Variants in FAM174A observed in about 807,000 individuals in gnomAD.
The protein encoded by FAM174A is family with sequence similarity 174 member A, also known as membrane protein FAM174A.
A neutral mutation model predicts 14.3 loss-of-function variants in FAM174A; 14 were observed. The observed-to-expected ratio is 0.98, with a 90% confidence interval of 0.65 to 1.53. FAM174A has a LOEUF of 1.53. FAM174A is among the 40% of genes most tolerant of loss of function. The pLI is 0.00. For synonymous variants in FAM174A, 108 were observed against 111.4 expected, an observed-to-expected ratio of 0.97 and a Z score of 0.19; for missense variants, 241 against 249.6, an observed-to-expected ratio of 0.97 and a Z score of 0.23.
chr5:100,579,935 G>T (rs1222898408), intron 2 of FAM174A, among the ~76,000 whole-genome samples: 3 of 152,104 alleles, frequency 2.0e-5, no homozygotes, highest in Non-Finnish European at 4.4e-5. Context: ...GCATGTATGG[G>T]ATTCATGTCA....
At position 100,557,911 on chromosome 5, in the gene FAM174A, G is replaced by C. The variant is rs545586913; in HGVS notation, c.435-4143G>C. ...CAGCTACTGGATTCATTGATTTTTT[G>C]AAGGGTTTTTTATGTCTCTATTTCC... On this transcript the variant is annotated intron_variant, in intron 1 of 2. Coordinates refer to ENST00000312637, the MANE Select transcript of FAM174A (RefSeq NM_198507.3). Among the ~76,000 whole-genome samples the C allele has an allele frequency of 3.9e-5, 6 of 152,034 alleles. No homozygotes were observed. In the East Asian group the frequency reaches 1.2e-3, roughly 29 times the overall value.
At chr5:100,564,604 C>T (rs13436095) in intron 2 of FAM174A, among the ~76,000 whole-genome samples, 11,122 of 151,048 alleles carry the variant, frequency 0.074, 591 homozygotes, top group African/African-American at 0.14. Context: ...TAAGATTTTG[C>T]GTATAGAAAA....
chr5:100,569,443 T>C (rs1746730684), intron 2 of FAM174A, among the ~76,000 whole-genome samples: 1 of 151,842 alleles, frequency 6.6e-6, no homozygotes, highest in Admixed American at 6.6e-5. Flanking sequence ...TATAGCATAA[T>C]AACCATGGTT....
chr5:100,584,029 T>C lies in FAM174A; in HGVS notation c.570-2152T>C, dbSNP rs911335304. Among the ~76,000 whole-genome samples, 5 of 152,186 alleles carry C rather than the reference T, an allele frequency of 3.3e-5. No individual in the cohort carries two copies. In the East Asian group the frequency reaches 7.7e-4, roughly 23 times the overall value. Reference sequence around the variant, plus strand: ...GGGTTCTTTGTGGCCCAGGCCATTGTCCAAAATCAAAAGAACTTTAAAAGT... The same window carrying C: ...GGGTTCTTTGTGGCCCAGGCCATTGCCCAAAATCAAAAGAACTTTAAAAGT... On this transcript the variant is annotated intron_variant, in intron 2 of 2. Transcript: ENST00000312637.
At chr5:100,558,088 T>G (rs1746434594) in intron 1 of FAM174A, among the ~76,000 whole-genome samples, 1 of 152,204 alleles carries the variant, frequency 6.6e-6, no homozygotes. Flanking sequence ...GCTATAAATT[T>G]CCCTCTACAC....
At chr5:100,543,871 A>G (rs967693023) in intron 1 of FAM174A, among the ~76,000 whole-genome samples, 2 of 152,196 alleles carry the variant, frequency 1.3e-5, no homozygotes, top group African/African-American at 4.8e-5. Context: ...TGAAGATGAA[A>G]TGGAACATGT....
chr5:100,540,315 A>C (rs1746023505), intron 1 of FAM174A, among the ~76,000 whole-genome samples: 4 of 152,138 alleles, frequency 2.6e-5, no homozygotes, highest in Admixed American at 2.6e-4. Context: ...TAATTCAGTA[A>C]ATATTATTTA....
Position 100,536,114 on chromosome 5 carries a change from G to T in FAM174A, c.434+150G>T, listed in dbSNP as rs554030894. On this transcript the variant is annotated intron_variant, in intron 1 of 2. Transcript: ENST00000312637. ...ATGATATTGACTTTCTTAAAGGCCT[G>T]TTACCTTTGGAGCAATTTAAACCTA... 1.6e-5 allele frequency: 11 copies of T among 701,928 alleles called. No individual in the cohort carries two copies. In the African/African-American group the frequency reaches 1.8e-4, roughly 12 times the overall value. The allele number at this position is 701,928 out of a possible 1,614,324, so 43.5% of individuals were successfully genotyped here.
At position 100,562,909 on chromosome 5, in the gene FAM174A, A is replaced by G. The variant is rs1385786974; in HGVS notation, c.569+721A>G. ...AAAAAGCCAACAAAGATTCAACCTA[A>G]TAAGGAAAGACATCTTGGAATCCAG... On this transcript the variant is annotated intron_variant, in intron 2 of 2. Transcript: ENST00000312637. Among the ~76,000 whole-genome samples the G allele has an allele frequency of 2.0e-5, 3 of 151,854 alleles. No homozygotes were observed. The Admixed American group carries it at 2.0e-4, about 10-fold the overall frequency.
chr5:100,567,337 GT>G (rs1196554431), intron 2 of FAM174A, among the ~76,000 whole-genome samples: 1 of 151,708 alleles, frequency 6.6e-6, no homozygotes, highest in Non-Finnish European at 1.5e-5. Context: ...TGGTCTATGT[GT>G]TTGAGATACA....
At chr5:100,581,253 C>A in intron 2 of FAM174A, 1 of 460,626 alleles carries the variant, frequency 2.2e-6, no homozygotes, top group Non-Finnish European at 2.9e-6. Context: ...TTGAGTCAAC[C>A]AGTCTACCTT....
In FAM174A at chr5:100,535,653, A is replaced by C; in HGVS notation, c.123A>C (p.Pro41=). ...AVLLQAAEAA[P]GLGPPDPRPR... is the part of the protein sequence containing the mutation. ...TGCTGCAGGCAGCCGAGGCCGCGCC[A>C]GGTCTTGGGCCTCCTGACCCTAGAC... The change falls in exon 1 of 3, where the codon CCA becomes CCC. Residue 41 remains proline, a synonymous_variant. Transcript: ENST00000312637. 1 of 1,612,756 alleles carries C rather than the reference A, an allele frequency of 6.2e-7. No homozygotes were observed. The highest frequency in any genetic ancestry group is 8.5e-7 in the Non-Finnish European group (1 of 1,179,892).
At chr5:100,571,137 C>CATATATATGTGTGTGTAT (rs1390172248) in intron 2 of FAM174A, among the ~76,000 whole-genome samples, 3 of 137,700 alleles carry the variant, frequency 2.2e-5, no homozygotes, top group Admixed American at 1.5e-4. Context: ...TGTACATATA[C>CATATATATGTGTGTGTAT]ATATATATGT....
At chr5:100,548,796 G>T (rs777019094) in intron 1 of FAM174A, among the ~76,000 whole-genome samples, 1 of 151,986 alleles carries the variant, frequency 6.6e-6, no homozygotes, top group Non-Finnish European at 1.5e-5. Context: ...CTTCATAATC[G>T]CATGCTTTTA....
chr5:100,540,085 T>C (rs1317118477), intron 1 of FAM174A, among the ~76,000 whole-genome samples: 2 of 152,184 alleles, frequency 1.3e-5, no homozygotes, highest in East Asian at 3.8e-4. Context: ...ATTTCCACCT[T>C]AGTGGAGCAA....
intron 2 of FAM174A, among the ~76,000 whole-genome samples, chr5:100,579,476 G>A (rs1207104047): frequency 6.6e-6 from 1 of 151,966 alleles, no homozygotes. Flanking sequence ...CCAGGCTGGA[G>A]TGCGATGGCA....
Position 100,586,111 on chromosome 5 carries a change from G to A in FAM174A, c.570-70G>A, listed in dbSNP as rs1010665337. On this transcript the variant is annotated intron_variant, in intron 2 of 2. Coordinates refer to ENST00000312637, the MANE Select transcript of FAM174A (RefSeq NM_198507.3). ...TCTTCCTTCCCCTCCAAATCTTTCT[G>A]AATAGTTTTAAATGTTTTTAAAATT... 2.1e-5 allele frequency: 17 copies of A among 813,490 alleles called. No individual in the cohort carries two copies. In the African/African-American group the frequency reaches 2.7e-4, roughly 13 times the overall value. The allele number at this position is 813,490 out of a possible 1,614,324, so 50.4% of individuals were successfully genotyped here.
intron 2 of FAM174A, among the ~76,000 whole-genome samples, chr5:100,566,141 G>GAGATATAT (rs1554047540): frequency 3.3e-4 from 27 of 81,798 alleles, no homozygotes; most frequent in Non-Finnish European, 1.5e-4. Context: ...TGAAAAGTAT[G>GAGATATAT]ATATATATAT....
chr5:100,579,427 T>A (rs1358476274), intron 2 of FAM174A, among the ~76,000 whole-genome samples: 1 of 149,120 alleles, frequency 6.7e-6, no homozygotes, highest in Non-Finnish European at 1.5e-5. Context: ...ATGTAGCGAT[T>A]TTTTTTTTTT....
Sources: gnomAD v4.1 joint callset for allele counts (sites outside exome capture counted in the v4.1 genomes callset) on GRCh38, gnomAD v4.1.1 for gene constraint, MANE v1.5 for transcripts, NCBI Gene and HGNC (gene_info 2026-07-23, HGNC 2026-07-21) for gene names.